ZNF799: variants seen among roughly 807,000 people sequenced by gnomAD.
ZNF799 encodes zinc finger protein 14.
Under a neutral mutation model 41.0 loss-of-function variants are expected in ZNF799, and 28 were observed. That is an observed-to-expected ratio of 0.68 (90% CI 0.51 to 0.94). The LOEUF (loss-of-function observed/expected upper bound fraction) is 0.94, where lower values mean the gene tolerates loss of function less well. ZNF799 is among the 40% of genes least tolerant of loss of function. The pLI is 0.00. For synonymous variants in ZNF799, 213 were observed against 252.9 expected, an observed-to-expected ratio of 0.84 and a Z score of 1.50; for missense variants, 716 against 764.3, an observed-to-expected ratio of 0.94 and a Z score of 0.74.
chr19:12,406,168 C>CA (rs940819306), upstream of ZNF799, among the ~76,000 whole-genome samples: 1,602 of 58,292 alleles, frequency 0.027, 12 homozygotes, highest in Non-Finnish European at 0.038. Context: ...GACTCTGTCT[C>CA]AAAAAAAAAA....
At chr19:12,396,272 T>C (rs1028858471) in intron 1 of ZNF799, among the ~76,000 whole-genome samples, 2 of 152,254 alleles carry the variant, frequency 1.3e-5, no homozygotes, top group African/African-American at 4.8e-5. Context: ...ATCTTAAATA[T>C]GTTCAATGAA....
Position 12,391,328 on chromosome 19 carries a change from C to T in ZNF799, c.1070G>A (p.Arg357Lys). ...ATAGAGTTTCTCTCCAGTGTGAGTT[C>T]TTTCATGACTTTTCAGTGAACTAGG... ...DCPSSLKSHERTHTGEKLYEC... is the reference protein window; with the variant it reads ...DCPSSLKSHEKTHTGEKLYEC... The change falls in exon 4 of 4, where the codon AGA (arginine) becomes AAA (lysine). Residue 357 changes from arginine to lysine, a missense_variant. By Grantham distance (26) the Arg-to-Lys change is conservative. Transcript: ENST00000430385. The T allele has an allele frequency of 6.2e-7, 1 of 1,614,122 alleles. No homozygotes were observed. The highest frequency in any genetic ancestry group is 2.2e-5 in the East Asian group (1 of 44,876).
the ZNF799 span, among the ~76,000 whole-genome samples, chr19:12,411,664 G>A: frequency 6.6e-6 from 1 of 151,940 alleles, no homozygotes; most frequent in Non-Finnish European, 1.5e-5. Context: ...CCAGGCTGGA[G>A]TGCAGTGGCT....
rs1249888203 is a variant in ZNF799 at position 12,390,605 on chromosome 19, G to A, written c.1793C>T (p.Ala598Val). ...YECKECGKAFASLSSLHRHKK... is the reference protein window; with the variant it reads ...YECKECGKAFVSLSSLHRHKK... ...ATGTCTATGCAAGGAACTGAGAGAA[G>A]CAAATGCTTTCCCACATTCCTTACA... Residue 598 changes from alanine to valine, a missense_variant, in exon 4 of 4, where the codon GCT (alanine) becomes GTT (valine). Transcript: ENST00000430385. 1 of 1,613,518 alleles carries A rather than the reference G, an allele frequency of 6.2e-7. No homozygotes were observed. The highest frequency in any genetic ancestry group is 8.5e-7 in the Non-Finnish European group (1 of 1,179,850).
Position 12,391,549 on chromosome 19 carries a change from A to G in ZNF799, c.849T>C (p.Cys283=). ...RTHTGKKPYT[C]KQCGKAFSAS... is the part of the protein sequence containing the mutation. ...CACTGAAGGCTTTCCCACATTGTTT[A>G]CATGTATAGGGTTTCTTTCCAGTGT... Residue 283 remains cysteine (C), a synonymous_variant, in exon 4 of 4, where the codon TGT becomes TGC. Transcript: ENST00000430385. 2 of 1,614,138 alleles carry G rather than the reference A, an allele frequency of 1.2e-6. No individual in the cohort carries two copies. The highest frequency in any genetic ancestry group is 8.5e-7 in the Non-Finnish European group (1 of 1,180,004).
chr19:12,398,306 C>G (rs2144902956), intron 1 of ZNF799: 1 of 150,796 alleles, frequency 6.6e-6, no homozygotes, highest in South Asian at 2.1e-4. Flanking sequence ...GAGGTGGGGG[C>G]ATTGGCCTCA....
upstream of ZNF799, among the ~76,000 whole-genome samples, chr19:12,403,803 C>T (rs1273292752): frequency 1.3e-5 from 2 of 152,116 alleles, no homozygotes; most frequent in Non-Finnish European, 2.9e-5. Flanking sequence ...CCACTCACCT[C>T]GGCCTCCCAA....
the ZNF799 span, among the ~76,000 whole-genome samples, chr19:12,408,465 T>C: frequency 6.6e-6 from 1 of 152,106 alleles, no homozygotes; most frequent in Non-Finnish European, 1.5e-5. Context: ...AAACAAAGAT[T>C]GATAGAGTAG....
At chr19:12,409,292 C>T in the ZNF799 span, among the ~76,000 whole-genome samples, 4 of 152,280 alleles carry the variant, frequency 2.6e-5, no homozygotes, top group South Asian at 6.2e-4. Flanking sequence ...CATGTGCAGG[C>T]GGTAATGCTT....
At position 12,390,894 on chromosome 19, in the gene ZNF799, T is replaced by A; in HGVS notation, c.1504A>T (p.Lys502Ter). The change falls in exon 4 of 4, where the codon AAA becomes TAA. Residue 502 changes from lysine (K) to a stop codon, truncating the protein, a stop_gained. Coordinates refer to ENST00000430385, the MANE Select transcript of ZNF799 (RefSeq NM_001080821.3). LOFTEE classifies it high-confidence loss of function. ...SQHRRTHTGE[K>*]PYECNTCKKA... ...TTACATGTGTTACACTCATAAGGTT[T>A]CTCTCCTGTGTGAGTCCTTCTATGT... 6.2e-7 allele frequency: 1 copy of A among 1,614,076 alleles called. No homozygotes were observed. Among genetic ancestry groups the A allele is most frequent in the South Asian group, 1.1e-5 (1 of 91,082 alleles).
upstream of ZNF799, chr19:12,401,369 G>A (rs1292103381): frequency 5.0e-6 from 4 of 797,274 alleles, no homozygotes; most frequent in Middle Eastern, 3.9e-4. Flanking sequence ...GCACAGCTGA[G>A]TGGAGCCAGA....
At chr19:12,399,542 C>A (rs373159210) in intron 1 of ZNF799, among the ~76,000 whole-genome samples, 1 of 150,268 alleles carries the variant, frequency 6.7e-6, no homozygotes, top group African/African-American at 2.5e-5. Context: ...CAGTTGCTCC[C>A]CAGGGGGCCA....
the ZNF799 span, among the ~76,000 whole-genome samples, chr19:12,409,902 T>C: frequency 1.3e-5 from 2 of 152,132 alleles, no homozygotes; most frequent in African/African-American, 4.8e-5. Context: ...ATCCCAGCAC[T>C]TTAGAAGGCC....
chr19:12,391,269 T>C lies in ZNF799; in HGVS notation c.1129A>G (p.Ser377Gly), dbSNP rs757555721. ...GTCATGTGTCTTCGAAAGCTTGAGC[T>C]ATGAGATAACGCTTTCCCACACTGC... ...CKQCGKALSHSSSFRRHMTMH... is the reference protein window; with the variant it reads ...CKQCGKALSHGSSFRRHMTMH... Residue 377 changes from serine (S) to glycine (G), a missense_variant, in exon 4 of 4, where the codon AGC (serine) becomes GGC (glycine). By Grantham distance (56) the Ser-to-Gly change is moderately conservative (BLOSUM62 0). Coordinates refer to ENST00000430385, the MANE Select transcript of ZNF799 (RefSeq NM_001080821.3). 3 of 1,614,084 alleles carry C rather than the reference T, an allele frequency of 1.9e-6. No individual in the cohort carries two copies. The East Asian group carries it at 6.7e-5, about 36-fold the overall frequency.
At chr19:12,396,223 C>T (rs1332261432) in intron 1 of ZNF799, among the ~76,000 whole-genome samples, 10 of 152,240 alleles carry the variant, frequency 6.6e-5, no homozygotes, top group African/African-American at 2.4e-4. Context: ...TGAGAAACCT[C>T]AGACACTGCA....
the ZNF799 span, among the ~76,000 whole-genome samples, chr19:12,407,449 C>G: frequency 7.3e-6 from 1 of 137,860 alleles, no homozygotes; most frequent in Non-Finnish European, 1.6e-5. Flanking sequence ...AGTAACAAAG[C>G]AAGACCCTAT....
At chr19:12,405,275 C>A (rs572691378), upstream of ZNF799, among the ~76,000 whole-genome samples, 1 of 152,088 alleles carries the variant, frequency 6.6e-6, no homozygotes, top group African/African-American at 2.4e-5. Context: ...CTGACTAATA[C>A]ACCATCTAAA....
At chr19:12,410,892 A>C in the ZNF799 span, among the ~76,000 whole-genome samples, 1 of 152,240 alleles carries the variant, frequency 6.6e-6, no homozygotes, top group Non-Finnish European at 1.5e-5. Context: ...ATGTAATACG[A>C]ACGGGCATAA....
rs1271826069 is a variant in ZNF799, at chr19:12,392,216, A to C, written c.192-10T>G. Reference sequence around the variant, plus strand: ...CTCTAACATACGACATCTGTAAAAAATGGGAAATATATCACTAAAAGTCGG... The same window carrying C: ...CTCTAACATACGACATCTGTAAAAACTGGGAAATATATCACTAAAAGTCGG... On this transcript the variant is annotated splice_polypyrimidine_tract_variant and intron_variant, in intron 3 of 3. Transcript: ENST00000430385. 16 of 1,543,852 alleles carry C rather than the reference A, an allele frequency of 1.0e-5. No individual in the cohort carries two copies. The highest frequency in any genetic ancestry group is 1.4e-5 in the Non-Finnish European group (16 of 1,146,570).
Sources: gnomAD v4.1 joint callset for allele counts (sites outside exome capture counted in the v4.1 genomes callset) on GRCh38, gnomAD v4.1.1 for gene constraint, MANE v1.5 for transcripts, NCBI Gene and HGNC (gene_info 2026-07-23, HGNC 2026-07-21) for gene names.